PSD3: variants seen among roughly 807,000 people sequenced by gnomAD.
PSD3 encodes the protein pleckstrin and Sec7 domain containing 3.
Under a neutral mutation model 105.5 loss-of-function variants are expected in PSD3, and 49 were observed. The observed-to-expected ratio is 0.46, with a 90% confidence interval of 0.37 to 0.59. The LOEUF (loss-of-function observed/expected upper bound fraction) is 0.59. Among genes scored for constraint, PSD3 ranks in the 20% least tolerant of loss-of-function variants. The pLI, the probability that PSD3 is intolerant of heterozygous loss-of-function variation, is 0.00. For missense variants in PSD3, 1,561 were observed against 1,263.8 expected (o/e 1.24, Z -3.57); for synonymous variants, 557 against 457.8 (o/e 1.22, Z -2.77).
intron 1 of PSD3, among the ~76,000 whole-genome samples, chr8:18,964,316 G>A (rs1156438674): frequency 6.6e-6 from 1 of 152,100 alleles, no homozygotes; most frequent in Non-Finnish European, 1.5e-5. Flanking sequence ...TAGAGGTGGA[G>A]TCTCACTATG....
intron 8 of PSD3, among the ~76,000 whole-genome samples, chr8:18,779,265 C>T (rs1808385600): frequency 6.6e-6 from 1 of 152,020 alleles, no homozygotes; most frequent in Admixed American, 6.6e-5. Flanking sequence ...CTCTAACAAT[C>T]TTCTATTTTT....
chr8:18,942,826 A>G (rs549543321), intron 1 of PSD3, among the ~76,000 whole-genome samples: 1 of 152,342 alleles, frequency 6.6e-6, no homozygotes, highest in East Asian at 1.9e-4. Context: ...TTATTACAGC[A>G]GCCTAGTTAA....
chr8:18,852,070 A>C (rs1815621500), intron 4 of PSD3, among the ~76,000 whole-genome samples: 1 of 152,222 alleles, frequency 6.6e-6, no homozygotes, highest in South Asian at 2.1e-4. Flanking sequence ...AGACCTTTAT[A>C]AAGTATAACA....
At chr8:18,618,446 G>T (rs544009019) in intron 11 of PSD3, among the ~76,000 whole-genome samples, 32 of 151,324 alleles carry the variant, frequency 2.1e-4, no homozygotes, top group African/African-American at 7.5e-4. Flanking sequence ...TACAGACTTT[G>T]GCTTTTTTTT....
chr8:18,841,206 G>A (rs1814594054), intron 4 of PSD3, among the ~76,000 whole-genome samples: 2 of 152,294 alleles, frequency 1.3e-5, no homozygotes, highest in South Asian at 2.1e-4. Flanking sequence ...TGGCTTAGCA[G>A]ACTGCTGTGT....
intron 9 of PSD3, among the ~76,000 whole-genome samples, chr8:18,721,362 T>A (rs1802961419): frequency 6.6e-6 from 1 of 152,062 alleles, no homozygotes; most frequent in African/African-American, 2.4e-5. Flanking sequence ...CAAATGTCTA[T>A]CAGAATGAAC....
intron 1 of PSD3, among the ~76,000 whole-genome samples, chr8:18,992,882 T>C (rs1825882077): frequency 6.6e-6 from 1 of 152,180 alleles, no homozygotes; most frequent in Non-Finnish European, 1.5e-5. Context: ...GCTCTGATAT[T>C]GTATTATTAA....
intron 1 of PSD3, among the ~76,000 whole-genome samples, chr8:18,965,025 T>C (rs898241937): frequency 6.6e-6 from 1 of 152,200 alleles, no homozygotes; most frequent in Admixed American, 6.5e-5. Context: ...GGTTCATTCA[T>C]GTTAAAAAGC....
chr8:18,721,369 G>A (rs1802961926), intron 9 of PSD3, among the ~76,000 whole-genome samples: 1 of 152,030 alleles, frequency 6.6e-6, no homozygotes, highest in Non-Finnish European at 1.5e-5. Context: ...CTATCAGAAT[G>A]AACTAACTGT....
At chr8:18,637,517 T>C (rs556851170) in intron 10 of PSD3, among the ~76,000 whole-genome samples, 20 of 152,300 alleles carry the variant, frequency 1.3e-4, no homozygotes, top group African/African-American at 4.8e-4. Flanking sequence ...TCCATCCCTA[T>C]AGTTCTGCCT....
chr8:19,028,161 T>C (rs1327151595), intron 1 of PSD3, among the ~76,000 whole-genome samples: 1 of 152,144 alleles, frequency 6.6e-6, no homozygotes, highest in Non-Finnish European at 1.5e-5. Flanking sequence ...TTGTAGTTTC[T>C]CTGGCATATC....
intron 1 of PSD3, among the ~76,000 whole-genome samples, chr8:19,035,759 G>C (rs35540651): frequency 6.6e-6 from 1 of 151,432 alleles, no homozygotes; most frequent in Non-Finnish European, 1.5e-5. Context: ...ACTTTTTTTG[G>C]GGGGGGTGTG....
chr8:18,618,998 A>G (rs974037348), intron 11 of PSD3, among the ~76,000 whole-genome samples: 1 of 152,110 alleles, frequency 6.6e-6, no homozygotes, highest in Non-Finnish European at 1.5e-5. Flanking sequence ...CATATCCTCT[A>G]TCTCTACTCC....
chr8:18,708,712 G>A (rs1234577328), intron 9 of PSD3, among the ~76,000 whole-genome samples: 1 of 152,010 alleles, frequency 6.6e-6, no homozygotes, highest in East Asian at 1.9e-4. Context: ...ACTAGAAGCA[G>A]CTCTCCTCTG....
chr8:19,028,435 C>T (rs987928665), intron 1 of PSD3, among the ~76,000 whole-genome samples: 1 of 151,802 alleles, frequency 6.6e-6, no homozygotes, highest in Non-Finnish European at 1.5e-5. Flanking sequence ...TCACTGCAGC[C>T]TCAAGCTATC....
At chr8:18,714,452 C>T (rs1340844770) in intron 9 of PSD3, among the ~76,000 whole-genome samples, 4 of 151,376 alleles carry the variant, frequency 2.6e-5, no homozygotes, top group Admixed American at 2.0e-4. Context: ...CCAAACAACC[C>T]CATCAAAAAG....
At chr8:18,665,674 A>C (rs928492880) in intron 9 of PSD3, among the ~76,000 whole-genome samples, 1 of 152,232 alleles carries the variant, frequency 6.6e-6, no homozygotes, top group African/African-American at 2.4e-5. Flanking sequence ...CAAATGCTAC[A>C]CAGAAATCTT....
intron 1 of PSD3, among the ~76,000 whole-genome samples, chr8:19,063,839 C>A (rs975228729): frequency 6.6e-6 from 1 of 151,696 alleles, no homozygotes; most frequent in African/African-American, 2.4e-5. Flanking sequence ...GCCTTAGATA[C>A]AGCACAAAAA....
At chr8:18,624,775 A>T (rs1806360933) in intron 11 of PSD3, among the ~76,000 whole-genome samples, 1 of 152,028 alleles carries the variant, frequency 6.6e-6, no homozygotes. Context: ...GTAATATGCT[A>T]CAAGTATCTT....
Sources: gnomAD v4.1 joint callset for allele counts (sites outside exome capture counted in the v4.1 genomes callset) on GRCh38, gnomAD v4.1.1 for gene constraint, MANE v1.5 for transcripts, NCBI Gene and HGNC (gene_info 2026-07-23, HGNC 2026-07-21) for gene names.